Variants in GLIS3 observed in about 807,000 individuals in gnomAD.
The protein encoded by GLIS3 is zinc finger protein GLIS3.
In GLIS3, 53 loss-of-function variants were observed where a neutral mutation model predicts 78.6. The ratio of observed to expected loss-of-function variants is 0.67; its 90% CI spans 0.54 to 0.85. The LOEUF (loss-of-function observed/expected upper bound fraction) is 0.85, where lower values mean the gene tolerates loss of function less well. GLIS3 is among the 40% of genes least tolerant of loss of function. GLIS3 has a pLI of 0.00. For missense variants in GLIS3, 1,703 were observed against 1,231.1 expected, an observed-to-expected ratio of 1.38 and a Z score of -5.74; for synonymous variants, 684 against 509.9, an observed-to-expected ratio of 1.34 and a Z score of -4.60.
rs777079022 is a variant in GLIS3 at position 3,824,634 on chromosome 9, A to T, written c.*3638T>A. 1.3e-5 allele frequency: 2 copies of T among 152,630 alleles called. No homozygotes were observed. Among genetic ancestry groups the T allele is most frequent in the Non-Finnish European group, 2.9e-5 (2 of 68,044 alleles). The allele number at this position is 152,630 out of a possible 1,614,324, so 9.5% of individuals were successfully genotyped here. On this transcript the variant is annotated 3_prime_UTR_variant, in exon 11 of 11. Coordinates refer to ENST00000381971, the MANE Select transcript of GLIS3 (RefSeq NM_001042413.2). ...TATACATATTAATAGAAAAAAGTGT[A>T]CCTAATTCTTTAAAAGATTTATGAC...
chr9:3,918,476 A>G (rs1824663212), intron 6 of GLIS3, among the ~76,000 whole-genome samples: 1 of 152,200 alleles, frequency 6.6e-6, no homozygotes, highest in African/African-American at 2.4e-5. Flanking sequence ...TCCCTCTTGT[A>G]ATACAACCTA....
intron 2 of GLIS3, among the ~76,000 whole-genome samples, chr9:4,244,615 C>T (rs573528023): frequency 1.3e-5 from 2 of 152,012 alleles, no homozygotes; most frequent in Non-Finnish European, 2.9e-5. Flanking sequence ...GCTCTTGCCA[C>T]CCAGGCTGGA....
intron 4 of GLIS3, among the ~76,000 whole-genome samples, chr9:4,060,527 C>G (rs147364448): frequency 6.6e-6 from 1 of 152,118 alleles, no homozygotes; most frequent in Admixed American, 6.5e-5. Context: ...GCTCTGCCCT[C>G]ATGAATGATG....
chr9:3,936,408 C>T (rs150806146), intron 5 of GLIS3, among the ~76,000 whole-genome samples: 1 of 152,228 alleles, frequency 6.6e-6, no homozygotes, highest in African/African-American at 2.4e-5. Flanking sequence ...ATCAATTGTT[C>T]TCATAGGGTT....
Position 3,828,281 on chromosome 9 carries a change from G to T in GLIS3, c.2784C>A (p.Thr928=). ...RCPSQLSSVY[T]EG is the part of the protein sequence containing the mutation. ...GTGGCCAAGAGAGCTTTTAGCCTTC[G>T]GTGTAGACAGAGGAGAGCTGGCTAG... The change falls in exon 11 of 11, where the codon ACC becomes ACA. Residue 928 remains threonine (T), a synonymous_variant. Coordinates refer to ENST00000381971, the MANE Select transcript of GLIS3 (RefSeq NM_001042413.2). 6.2e-7 allele frequency: 1 copy of T among 1,614,086 alleles called. No individual in the cohort carries two copies. The highest frequency in any genetic ancestry group is 8.5e-7 in the Non-Finnish European group (1 of 1,180,002).
chr9:3,837,681 G>C (rs1164953596), intron 9 of GLIS3, among the ~76,000 whole-genome samples: 1 of 152,152 alleles, frequency 6.6e-6, no homozygotes, highest in African/African-American at 2.4e-5. Flanking sequence ...ATCCGAAAAG[G>C]CTACATGCTG....
the GLIS3 span, among the ~76,000 whole-genome samples, chr9:4,374,093 A>G: frequency 5.9e-5 from 9 of 152,212 alleles, no homozygotes; most frequent in Admixed American, 2.0e-4. Context: ...CGGATACACG[A>G]AATCTGTCCA....
chr9:4,462,626 C>G, the GLIS3 span, among the ~76,000 whole-genome samples: 28 of 94,698 alleles, frequency 3.0e-4, no homozygotes, highest in South Asian at 1.5e-3. Context: ...CACACACACA[C>G]ACACACAGAC....
chr9:4,397,057 G>T, the GLIS3 span, among the ~76,000 whole-genome samples: 1 of 124,160 alleles, frequency 8.1e-6, no homozygotes, highest in Admixed American at 9.6e-5. Flanking sequence ...AAAGAGTCTC[G>T]CTCTGTCTCC....
chr9:4,400,153 A>G, the GLIS3 span, among the ~76,000 whole-genome samples: 1 of 152,192 alleles, frequency 6.6e-6, no homozygotes, highest in African/African-American at 2.4e-5. Flanking sequence ...TTTGAGAAAG[A>G]TGGCTCTTCC....
At chr9:4,162,968 C>T (rs1251863864) in intron 2 of GLIS3, among the ~76,000 whole-genome samples, 1 of 151,350 alleles carries the variant, frequency 6.6e-6, no homozygotes, top group Non-Finnish European at 1.5e-5. Flanking sequence ...CTAATCTCTT[C>T]TCTGGACCCA....
At chr9:4,231,051 A>T (rs1822209113) in intron 2 of GLIS3, among the ~76,000 whole-genome samples, 1 of 152,208 alleles carries the variant, frequency 6.6e-6, no homozygotes, top group Admixed American at 6.5e-5. Flanking sequence ...CAGCCTAGGC[A>T]AGAGAATGAG....
intron 4 of GLIS3, among the ~76,000 whole-genome samples, chr9:3,999,751 C>A (rs1051710570): frequency 6.6e-6 from 1 of 151,968 alleles, no homozygotes; most frequent in Non-Finnish European, 1.5e-5. Context: ...TTTTCAAGGA[C>A]CTTAATGAGC....
chr9:4,393,525 C>T, the GLIS3 span, among the ~76,000 whole-genome samples: 2 of 152,192 alleles, frequency 1.3e-5, no homozygotes, highest in Non-Finnish European at 2.9e-5. Flanking sequence ...AGCCCAAGAT[C>T]TAATCCCGTA....
chr9:4,401,947 T>A, the GLIS3 span, among the ~76,000 whole-genome samples: 1 of 152,052 alleles, frequency 6.6e-6, no homozygotes, highest in Non-Finnish European at 1.5e-5. Flanking sequence ...TATATTGTGG[T>A]GTGAGAACCA....
upstream of GLIS3, among the ~76,000 whole-genome samples, chr9:4,302,172 G>A (rs1817101571): frequency 6.6e-6 from 1 of 152,090 alleles, no homozygotes; most frequent in Admixed American, 6.5e-5. Flanking sequence ...GAGAGACAGT[G>A]AGAAAGGAAA....
chr9:4,041,969 C>T (rs550327809), intron 4 of GLIS3, among the ~76,000 whole-genome samples: 129 of 152,278 alleles, frequency 8.5e-4, no homozygotes, highest in Non-Finnish European at 1.5e-3. Context: ...TGTGATTTTG[C>T]ATGTCCTGAA....
intron 7 of GLIS3, among the ~76,000 whole-genome samples, chr9:3,887,631 A>G (rs1822168775): frequency 6.6e-6 from 1 of 152,186 alleles, no homozygotes; most frequent in African/African-American, 2.4e-5. Context: ...TAGCCAGGGA[A>G]GAGGTGTTAG....
chr9:4,169,794 C>A (rs907319967), intron 2 of GLIS3, among the ~76,000 whole-genome samples: 1 of 152,072 alleles, frequency 6.6e-6, no homozygotes, highest in Non-Finnish European at 1.5e-5. Context: ...TTTGGGAAAT[C>A]TGGGTAAAGA....
Sources: allele counts gnomAD v4.1 joint callset (sites outside exome capture counted in the v4.1 genomes callset), GRCh38; gene constraint gnomAD v4.1.1; transcripts MANE v1.5; gene names NCBI Gene and HGNC (gene_info 2026-07-23, HGNC 2026-07-21).